Variants in NFIB observed in about 807,000 individuals in gnomAD.
The protein encoded by NFIB is nuclear factor I B.
Under a neutral mutation model 61.5 loss-of-function variants are expected in NFIB, and 11 were observed. That is an observed-to-expected ratio of 0.18 (90% CI 0.11 to 0.30). The LOEUF is 0.30. Among genes scored for constraint, NFIB ranks in the 10% least tolerant of loss-of-function variants. NFIB has a pLI of 1.00. For missense variants in NFIB, 471 were observed against 608.9 expected, an observed-to-expected ratio of 0.77 and a Z score of 2.38; for synonymous variants, 260 against 216.5, an observed-to-expected ratio of 1.20 and a Z score of -1.76.
chr9:14,412,857 T>TC, the NFIB span, among the ~76,000 whole-genome samples: 1 of 152,156 alleles, frequency 6.6e-6, no homozygotes, highest in Non-Finnish European at 1.5e-5. Flanking sequence ...AAATGTTTGT[T>TC]CAGAGGAGGC....
chr9:14,475,432 TGGAC>T, the NFIB span, among the ~76,000 whole-genome samples: 1 of 152,190 alleles, frequency 6.6e-6, no homozygotes, highest in Admixed American at 6.5e-5. Context: ...CCTTCCATGA[TGGAC>T]GGTACAGTTC....
the NFIB span, among the ~76,000 whole-genome samples, chr9:14,427,937 G>GTGTTTTTTT: frequency 2.5e-4 from 11 of 43,384 alleles, 1 homozygote; most frequent in African/African-American, 8.6e-4. Context: ...TAATTCAGTT[G>GTGTTTTTTT]TTTTTTTTTT....
intron 2 of NFIB, among the ~76,000 whole-genome samples, chr9:14,180,229 C>G (rs927791095): frequency 6.6e-6 from 1 of 152,162 alleles, no homozygotes; most frequent in Non-Finnish European, 1.5e-5. Flanking sequence ...TGAGAGTCCG[C>G]TTTTCCATGA....
intron 2 of NFIB, among the ~76,000 whole-genome samples, chr9:14,257,639 C>A (rs897161462): frequency 2.6e-5 from 4 of 152,072 alleles, no homozygotes; most frequent in Non-Finnish European, 5.9e-5. Flanking sequence ...ACCTGTAATC[C>A]CAGCTACTTG....
At chr9:14,157,958 A>C (rs2043636360) in intron 3 of NFIB, among the ~76,000 whole-genome samples, 1 of 152,000 alleles carries the variant, frequency 6.6e-6, no homozygotes, top group Admixed American at 6.6e-5. Flanking sequence ...TAAAAATACA[A>C]AAATTAGCCG....
chr9:14,293,946 A>G (rs2132566440), intron 2 of NFIB, among the ~76,000 whole-genome samples: 1 of 152,348 alleles, frequency 6.6e-6, no homozygotes, highest in East Asian at 1.9e-4. Flanking sequence ...TTTTATCAGT[A>G]CTTGGCATTA....
At chr9:14,530,517 T>C in the NFIB span, among the ~76,000 whole-genome samples, 11 of 152,096 alleles carry the variant, frequency 7.2e-5, no homozygotes, top group Admixed American at 2.0e-4. Context: ...AAAGTTCTCC[T>C]GCAGGTTTAC....
chr9:14,154,477 A>C (rs2043175821), intron 4 of NFIB, among the ~76,000 whole-genome samples: 1 of 152,148 alleles, frequency 6.6e-6, no homozygotes, highest in South Asian at 2.1e-4. Flanking sequence ...TTCCCAAATT[A>C]AAAGTGAAAA....
the NFIB span, among the ~76,000 whole-genome samples, chr9:14,436,162 C>A: frequency 1.4e-4 from 21 of 152,366 alleles, no homozygotes; most frequent in East Asian, 4.1e-3. Context: ...TCTGCAGATT[C>A]CTGAACCAGC....
At chr9:14,241,645 A>T (rs1369291033) in intron 2 of NFIB, among the ~76,000 whole-genome samples, 1 of 152,186 alleles carries the variant, frequency 6.6e-6, no homozygotes, top group East Asian at 1.9e-4. Context: ...TCTGAAATGT[A>T]GATACATAAG....
chr9:14,183,547 G>A (rs2047031166), intron 2 of NFIB, among the ~76,000 whole-genome samples: 2 of 151,980 alleles, frequency 1.3e-5, no homozygotes, highest in South Asian at 2.1e-4. Context: ...AGGACTACAG[G>A]CGCACACCAC....
At chr9:14,462,123 G>T in the NFIB span, among the ~76,000 whole-genome samples, 3 of 152,104 alleles carry the variant, frequency 2.0e-5, 1 homozygote, top group Middle Eastern at 6.3e-3. Context: ...CTTAATATAG[G>T]TGTTTTAAAT....
intron 10 of NFIB, among the ~76,000 whole-genome samples, chr9:14,098,508 A>G (rs1225116114): frequency 6.6e-6 from 1 of 152,242 alleles, no homozygotes; most frequent in Admixed American, 6.5e-5. Flanking sequence ...TATTCTGACT[A>G]TCACTTTAAG....
the NFIB span, among the ~76,000 whole-genome samples, chr9:14,490,441 C>A: frequency 6.6e-6 from 1 of 151,820 alleles, no homozygotes; most frequent in African/African-American, 2.4e-5. Context: ...AATGTACTAG[C>A]CATAAAGGAA....
intron 2 of NFIB, among the ~76,000 whole-genome samples, chr9:14,298,874 TAA>T (rs2059595769): frequency 6.6e-6 from 1 of 152,180 alleles, no homozygotes. Context: ...TTTGGTCAAT[TAA>T]ACCTAACAAG....
At chr9:14,280,313 T>C (rs2058284972) in intron 2 of NFIB, among the ~76,000 whole-genome samples, 1 of 152,156 alleles carries the variant, frequency 6.6e-6, no homozygotes, top group East Asian at 1.9e-4. Flanking sequence ...TAATAGATCT[T>C]GCCTCATGGG....
chr9:14,101,703 C>T (rs1324860542), intron 10 of NFIB, among the ~76,000 whole-genome samples: 3 of 152,110 alleles, frequency 2.0e-5, no homozygotes, highest in South Asian at 2.1e-4. Flanking sequence ...AATACATAAG[C>T]GCAGCTGACT....
At chr9:14,215,415 T>C (rs2050752512) in intron 2 of NFIB, among the ~76,000 whole-genome samples, 1 of 141,918 alleles carries the variant, frequency 7.0e-6, no homozygotes, top group Non-Finnish European at 1.5e-5. Flanking sequence ...AGTTAACTAA[T>C]AAATAAGTAA....
the NFIB span, among the ~76,000 whole-genome samples, chr9:14,507,947 C>T: frequency 7.7e-6 from 1 of 129,840 alleles, no homozygotes; most frequent in Non-Finnish European, 1.7e-5. Flanking sequence ...TAAACACACA[C>T]AGACACAGAC....
Sources: allele counts gnomAD v4.1 joint callset (sites outside exome capture counted in the v4.1 genomes callset), GRCh38; gene constraint gnomAD v4.1.1; transcripts MANE v1.5; gene names NCBI Gene and HGNC (gene_info 2026-07-23, HGNC 2026-07-21).